The following ARHGEF10L variants were observed in gnomAD, a reference collection of about 807,000 sequenced individuals.
ARHGEF10L encodes the protein Rho guanine nucleotide exchange factor 10 like.
ARHGEF10L carries 69 observed loss-of-function variants against 141.2 expected under a neutral mutation model. The ratio of observed to expected loss-of-function variants is 0.49; its 90% CI spans 0.40 to 0.60. The LOEUF (loss-of-function observed/expected upper bound fraction) is 0.60, where lower values mean the gene tolerates loss of function less well. Among genes scored for constraint, ARHGEF10L ranks in the 20% least tolerant of loss-of-function variants. The pLI is 0.00. For missense variants in ARHGEF10L, 1,482 were observed against 1,734.3 expected (o/e 0.85, Z 2.58); for synonymous variants, 711 against 718.5 (o/e 0.99, Z 0.17).
At position 17,643,429 on chromosome 1, in the gene ARHGEF10L, C is replaced by T. The variant is rs138011453; in HGVS notation, c.2272+3127C>T. The stretch of plus-strand genomic sequence containing the variant: ...TCAAACCCCAGCATGGCCACCACCA[C>T]GCCTTGTGGTCCTGGGAAAGGCAGA... On this transcript the variant is annotated intron_variant, in intron 21 of 28. Coordinates refer to ENST00000361221, the MANE Select transcript of ARHGEF10L (RefSeq NM_018125.4). 1.0e-3 allele frequency among the ~76,000 whole-genome samples: 154 copies of T among 152,302 alleles called. 1 individual carries two copies. The East Asian group carries it at 0.016, about 16-fold the overall frequency.
At position 17,664,709 on chromosome 1, in the gene ARHGEF10L, T is replaced by C. The variant is rs115148869; in HGVS notation, c.3009+114T>C. ...CTCCCAGTGGCATTCCAAGGATCGA[T>C]TGGGCAGAGTTTGTCCGGAAGCAGA... On this transcript the variant is annotated intron_variant, in intron 26 of 28. Coordinates refer to ENST00000361221, the MANE Select transcript of ARHGEF10L (RefSeq NM_018125.4). The C allele has an allele frequency of 9.9e-5, 130 of 1,315,118 alleles. No homozygotes were observed. In the African/African-American group the frequency reaches 1.5e-3, roughly 15 times the overall value. 81.5% of individuals were successfully genotyped at this position (1,315,118 alleles called of 1,614,324 possible).
chr1:17,513,448 G>A, the ARHGEF10L span, among the ~76,000 whole-genome samples: 2 of 152,190 alleles, frequency 1.3e-5, no homozygotes, highest in Non-Finnish European at 2.9e-5. Flanking sequence ...AGTGGAGAGG[G>A]CATTCATTCT....
rs755203802 is a variant in ARHGEF10L, at chr1:17,656,402, C to T, written c.2706-152C>T. 31 of 968,558 alleles carry T rather than the reference C, an allele frequency of 3.2e-5. 1 individual carries two copies. The highest frequency in any genetic ancestry group is 1.6e-4 in the South Asian group (10 of 61,132). The allele number at this position is 968,558 out of a possible 1,614,324, so 60.0% of individuals were successfully genotyped here. A position where few individuals can be genotyped will look rare whatever the true frequency, so the allele number is the denominator to read the frequency against. ...AGAAAACCATGGAAAAGTGAGCTCC[C>T]GCATGGTGGAGCTATGGCCTGGCCA... On this transcript the variant is annotated intron_variant, in intron 24 of 28. Transcript: ENST00000361221. This position sits in a 1 kb window ranked among gnomAD's most constrained non-coding sequence, Gnocchi z 4.9.
intron 28 of ARHGEF10L, among the ~76,000 whole-genome samples, chr1:17,696,034 T>TA (rs1272447629): frequency 6.6e-6 from 1 of 151,054 alleles, no homozygotes; most frequent in Non-Finnish European, 1.5e-5. Context: ...CCATCTCTAC[T>TA]AAAAAATAAA....
chr1:17,694,134 C>A (rs749567753), intron 27 of ARHGEF10L: 1 of 152,246 alleles, frequency 6.6e-6, no homozygotes, highest in Non-Finnish European at 1.5e-5. Context: ...GGTTGTTTTA[C>A]GTTCATTCAT....
intron 11 of ARHGEF10L, among the ~76,000 whole-genome samples, chr1:17,622,592 G>A (rs533926428): frequency 6.6e-5 from 10 of 152,264 alleles, no homozygotes; most frequent in South Asian, 2.1e-4. Flanking sequence ...GGCAGGTAGA[G>A]ATGAATATAT....
intron 1 of ARHGEF10L, among the ~76,000 whole-genome samples, chr1:17,579,448 G>A (rs1342474961): frequency 1.3e-5 from 2 of 152,138 alleles, no homozygotes; most frequent in African/African-American, 2.4e-5. Flanking sequence ...GCTCTTCCTA[G>A]CTGTGTGATC....
chr1:17,628,063 C>T (rs991947831), intron 15 of ARHGEF10L, among the ~76,000 whole-genome samples: 2 of 151,378 alleles, frequency 1.3e-5, no homozygotes, highest in Non-Finnish European at 2.9e-5. Context: ...TTGGGCTGGG[C>T]GTGGTAGCTC....
At position 17,613,078 on chromosome 1, in the gene ARHGEF10L, G is replaced by C. The variant is rs1194338176; in HGVS notation, c.630G>C (p.Arg210Ser). ...FQPKLSPDLTRLKERYARTKR... is the reference protein window; with the variant it reads ...FQPKLSPDLTSLKERYARTKR... ...TCCAGCTTTCTCCAGACCTGACTAG[G>C]CTAAAGGAGAGATACGCCAGGACTA... Residue 210 changes from arginine (R) to serine (S), a missense_variant, in exon 8 of 29, where the codon AGG (arginine) becomes AGC (serine). Transcript: ENST00000361221. 1 of 1,613,990 alleles carries C rather than the reference G, an allele frequency of 6.2e-7. No homozygotes were observed. The highest frequency in any genetic ancestry group is 8.5e-7 in the Non-Finnish European group (1 of 1,179,938).
At chr1:17,618,757 C>T (rs933698171) in intron 9 of ARHGEF10L, among the ~76,000 whole-genome samples, 1 of 152,334 alleles carries the variant, frequency 6.6e-6, no homozygotes, top group Middle Eastern at 3.4e-3. Flanking sequence ...CTCTCAGAGG[C>T]TTGGGCCTCT....
intron 2 of ARHGEF10L, among the ~76,000 whole-genome samples, chr1:17,583,761 G>A (rs966657645): frequency 5.3e-5 from 8 of 152,270 alleles, no homozygotes; most frequent in African/African-American, 1.9e-4. Context: ...GGCACTGAGA[G>A]GCTAAGAAAA....
intron 4 of ARHGEF10L, among the ~76,000 whole-genome samples, chr1:17,595,808 T>C (rs2080040243): frequency 6.6e-6 from 1 of 152,150 alleles, no homozygotes; most frequent in African/African-American, 2.4e-5. Flanking sequence ...CATGCCTTCT[T>C]TATTTACTCC....
At position 17,558,408 on chromosome 1, in the gene ARHGEF10L, C is replaced by T. The variant is rs1439044967; in HGVS notation, c.-44+18458C>T. On this transcript the variant is annotated intron_variant, in intron 1 of 28. Transcript: ENST00000361221. The surrounding 1 kb of genome is among the most constrained non-coding windows in gnomAD (Gnocchi z 4.2). ...ATTATTCTTGCCTTCAAGGAACTCA[C>T]AGTCTAGTGGGCTGTCAGAAAACTA... Among the ~76,000 whole-genome samples, 2 of 152,228 alleles carry T rather than the reference C, an allele frequency of 1.3e-5. No individual in the cohort carries two copies. The highest frequency in any genetic ancestry group is 4.8e-5 in the African/African-American group (2 of 41,470).
intron 21 of ARHGEF10L, among the ~76,000 whole-genome samples, chr1:17,645,335 G>A (rs1473897302): frequency 6.6e-6 from 1 of 152,104 alleles, no homozygotes; most frequent in Non-Finnish European, 1.5e-5. Context: ...GTCCCCAGTC[G>A]CAGGCAGGGA....
intron 1 of ARHGEF10L, among the ~76,000 whole-genome samples, chr1:17,551,606 G>T (rs1478216101): frequency 6.6e-6 from 1 of 152,160 alleles, no homozygotes; most frequent in Non-Finnish European, 1.5e-5. Flanking sequence ...TTTTGTTTGG[G>T]GTAGAGATTG....
intron 25 of ARHGEF10L, among the ~76,000 whole-genome samples, chr1:17,662,675 G>A (rs1465361981): frequency 1.3e-5 from 2 of 151,808 alleles, no homozygotes; most frequent in African/African-American, 2.4e-5. Context: ...AGAGCATGGG[G>A]TAGGCCAGGG....
chr1:17,668,794 C>T (rs534132960), intron 26 of ARHGEF10L, among the ~76,000 whole-genome samples: 3 of 151,082 alleles, frequency 2.0e-5, no homozygotes, highest in Admixed American at 6.6e-5. Context: ...ACAAGGTGAT[C>T]GCTATGCGTA....
rs1276936766 is a variant in ARHGEF10L, at chr1:17,607,683, C to G, written c.434-119C>G. ...GGAGGTAGAGCTGGAGCCCCAGGGC[C>G]CCCATGTTCTCCCTGACCCCCCCTC... On this transcript the variant is annotated intron_variant, in intron 6 of 28. Coordinates refer to ENST00000361221, the MANE Select transcript of ARHGEF10L (RefSeq NM_018125.4). The surrounding 1 kb of genome is among the most constrained non-coding windows in gnomAD (Gnocchi z 4.5). 1.0e-5 allele frequency: 10 copies of G among 1,003,380 alleles called. No individual in the cohort carries two copies. In the South Asian group the frequency reaches 1.9e-4, roughly 19 times the overall value. The allele number at this position is 1,003,380 out of a possible 1,614,324, so 62.2% of individuals were successfully genotyped here.
chr1:17,549,378 A>G (rs2077030974), intron 1 of ARHGEF10L, among the ~76,000 whole-genome samples: 1 of 152,128 alleles, frequency 6.6e-6, no homozygotes, highest in Non-Finnish European at 1.5e-5. Flanking sequence ...CAAATTTATA[A>G]AGTAACCACA....
Sources: gnomAD v4.1 joint callset for allele counts (sites outside exome capture counted in the v4.1 genomes callset) on GRCh38, gnomAD v4.1.1 for gene constraint, Gnocchi (gnomAD v3.1) non-coding constraint, MANE v1.5 for transcripts, NCBI Gene and HGNC (gene_info 2026-07-23, HGNC 2026-07-21) for gene names.